The following PTCHD4 variants were observed in gnomAD, a reference collection of about 807,000 sequenced individuals.
PTCHD4 encodes the protein patched domain containing 4.
PTCHD4 carries 33 observed loss-of-function variants against 58.1 expected under a neutral mutation model. That is an observed-to-expected ratio of 0.57 (90% CI 0.43 to 0.76). The LOEUF (loss-of-function observed/expected upper bound fraction) is 0.76, where lower values mean the gene tolerates loss of function less well. PTCHD4 is among the 30% of genes least tolerant of loss of function. The pLI is 0.00. For missense variants in PTCHD4, 1,058 were observed against 1,027.1 expected (o/e 1.03, Z -0.41); for synonymous variants, 478 against 409.6 (o/e 1.17, Z -2.02).
In PTCHD4 at chr6:47,916,899, C is replaced by A. The variant is rs533135876; in HGVS notation, c.899-36963G>T. Among the ~76,000 whole-genome samples the A allele has an allele frequency of 5.0e-4, 76 of 152,224 alleles. 1 individual carries two copies. The South Asian group carries it at 7.3e-3, about 15-fold the overall frequency. ...AAATAAAACAACTTTGTATTTACAT[C>A]TTCCTGGGGTGGTACTCCTCAGTTA... On this transcript the variant is annotated intron_variant, in intron 4 of 4. Transcript: ENST00000339488.
intron 4 of PTCHD4, among the ~76,000 whole-genome samples, chr6:47,966,112 T>C (rs1561982014): frequency 1.3e-5 from 2 of 152,158 alleles, no homozygotes; most frequent in East Asian, 1.9e-4. Context: ...TAGAATTTAG[T>C]AGTGAGAAAT....
At position 47,993,268 on chromosome 6, in the gene PTCHD4, C is replaced by T. The variant is rs117677609; in HGVS notation, c.898+15366G>A. 1.7e-4 allele frequency among the ~76,000 whole-genome samples: 26 copies of T among 152,180 alleles called. 1 individual carries two copies. The East Asian group carries it at 4.4e-3, about 26-fold the overall frequency. ...GTAGAGAGCATAACCTCTTTTAATG[C>T]CAGCCTCCGATTTTACCAATGATGA... On this transcript the variant is annotated intron_variant, in intron 4 of 4. Coordinates refer to ENST00000339488, the MANE Select transcript of PTCHD4 (RefSeq NM_001384253.1).
rs1764894091 is a variant in PTCHD4 at position 48,068,682 on chromosome 6, C to T, written c.6-41G>A. ...TGACATGTGTAAGCGCCGGGCTACC[C>T]CGTTCTCCCCCATCCCACCCCCTGG... On this transcript the variant is annotated intron_variant, in intron 2 of 4. Coordinates refer to ENST00000339488, the MANE Select transcript of PTCHD4 (RefSeq NM_001384253.1). This position sits in a 1 kb window ranked among gnomAD's most constrained non-coding sequence, Gnocchi z 4.2. 1.3e-6 allele frequency: 2 copies of T among 1,501,090 alleles called. No individual in the cohort carries two copies. Among genetic ancestry groups the T allele is most frequent in the Non-Finnish European group, 1.8e-6 (2 of 1,128,240 alleles). The allele number at this position is 1,501,090 out of a possible 1,614,324, so 93.0% of individuals were successfully genotyped here.
chr6:48,102,914 C>A (rs972210324), intron 1 of PTCHD4, among the ~76,000 whole-genome samples: 1 of 152,172 alleles, frequency 6.6e-6, no homozygotes, highest in South Asian at 2.1e-4. Flanking sequence ...GGAGGGGTGC[C>A]CACCATTGCT....
In PTCHD4 at chr6:47,878,214, C is replaced by A; in HGVS notation, c.*89G>T. On this transcript the variant is annotated 3_prime_UTR_variant, in exon 5 of 5. Transcript: ENST00000339488. ...ATCTGACTTGCCTTGTTACCCCTGG[C>A]CAGCCCAAGCAGCTGAGGTCTGAGC... The A allele has an allele frequency of 8.0e-7, 1 of 1,247,732 alleles. No individual in the cohort carries two copies. Among genetic ancestry groups the A allele is most frequent in the Non-Finnish European group, 1.1e-6 (1 of 895,382 alleles). The allele number at this position is 1,247,732 out of a possible 1,614,324, so 77.3% of individuals were successfully genotyped here.
rs1581789150 is a variant in PTCHD4 at position 47,858,113 on chromosome 6, C to T, written c.*20190G>A. 1.3e-5 allele frequency among the ~76,000 whole-genome samples: 2 copies of T among 151,970 alleles called. No individual in the cohort carries two copies. The highest frequency in any genetic ancestry group is 6.6e-5 in the Admixed American group (1 of 15,234). ...GTTGTCCATGTACTTCCTTGTTGTA[C>T]ATTCCCTGGAAAGTGTTTGGTTAGA... is the stretch of plus-strand genomic sequence containing the variant. On this transcript the variant is annotated 3_prime_UTR_variant, in exon 5 of 5. Coordinates refer to ENST00000339488, the MANE Select transcript of PTCHD4 (RefSeq NM_001384253.1).
chr6:48,063,284 G>T (rs1266153773), intron 3 of PTCHD4, among the ~76,000 whole-genome samples: 2 of 152,150 alleles, frequency 1.3e-5, no homozygotes, highest in Non-Finnish European at 2.9e-5. Context: ...ACAGTAAGGG[G>T]ATAGTAAGAA....
At chr6:48,011,285 A>T (rs1169886547) in intron 3 of PTCHD4, among the ~76,000 whole-genome samples, 1 of 152,136 alleles carries the variant, frequency 6.6e-6, no homozygotes, top group Non-Finnish European at 1.5e-5. Flanking sequence ...CTGGCATGAG[A>T]TGGTATCTCA....
chr6:48,000,628 A>C (rs1360803915), intron 4 of PTCHD4, among the ~76,000 whole-genome samples: 1 of 152,158 alleles, frequency 6.6e-6, no homozygotes, highest in African/African-American at 2.4e-5. Context: ...GACTGGCTTC[A>C]TATTTGCTGA....
At chr6:47,918,673 GA>G (rs1024501062) in intron 4 of PTCHD4, among the ~76,000 whole-genome samples, 6 of 150,774 alleles carry the variant, frequency 4.0e-5, no homozygotes, top group South Asian at 2.1e-4. Flanking sequence ...ATTCTAAGTG[GA>G]AAAAAAAATC....
chr6:47,939,402 G>A (rs531753120), intron 4 of PTCHD4, among the ~76,000 whole-genome samples: 1 of 152,068 alleles, frequency 6.6e-6, no homozygotes, highest in South Asian at 2.1e-4. Context: ...AATTAAGAGA[G>A]GAATAATACG....
chr6:48,104,732 G>A (rs569539623), intron 1 of PTCHD4, among the ~76,000 whole-genome samples: 6 of 152,216 alleles, frequency 3.9e-5, no homozygotes, highest in South Asian at 4.1e-4. Flanking sequence ...ACACACATAG[G>A]CTAAAAATAA....
intron 4 of PTCHD4, among the ~76,000 whole-genome samples, chr6:47,895,141 G>GAA (rs11404768): frequency 8.7e-5 from 13 of 150,006 alleles, no homozygotes; most frequent in South Asian, 2.1e-4. Context: ...TCTCAAAAAA[G>GAA]AAAAAAAAAG....
chr6:48,074,881 T>C (rs906258940), intron 1 of PTCHD4, among the ~76,000 whole-genome samples: 3 of 152,230 alleles, frequency 2.0e-5, no homozygotes, highest in African/African-American at 7.2e-5. Context: ...AATTCATTTA[T>C]GTTAAAAAGC....
At chr6:47,957,840 G>C (rs111760352) in intron 4 of PTCHD4, among the ~76,000 whole-genome samples, 2 of 151,896 alleles carry the variant, frequency 1.3e-5, no homozygotes, top group East Asian at 1.9e-4. Flanking sequence ...ACCTTACCTC[G>C]TGATCTGCCC....
At chr6:48,071,118 A>G (rs554305931) in intron 1 of PTCHD4, among the ~76,000 whole-genome samples, 2 of 152,362 alleles carry the variant, frequency 1.3e-5, no homozygotes, top group South Asian at 4.1e-4. Context: ...CTTGCTTCTC[A>G]GCCCATTTCA....
intron 3 of PTCHD4, among the ~76,000 whole-genome samples, chr6:48,057,166 C>A (rs945725888): frequency 6.6e-6 from 1 of 150,424 alleles, no homozygotes; most frequent in African/African-American, 2.4e-5. Context: ...CCTCTTCTGG[C>A]GGCGGTTTTT....
chr6:48,052,726 T>C (rs918070099), intron 3 of PTCHD4, among the ~76,000 whole-genome samples: 2 of 152,068 alleles, frequency 1.3e-5, no homozygotes, highest in African/African-American at 4.8e-5. Flanking sequence ...ACAGAGTATT[T>C]AATATAAAGG....
intron 4 of PTCHD4, among the ~76,000 whole-genome samples, chr6:47,894,767 C>T (rs1764483736): frequency 6.6e-6 from 1 of 152,340 alleles, no homozygotes; most frequent in East Asian, 1.9e-4. Flanking sequence ...AAATTTTATT[C>T]TTTCTTTCCA....
Sources: allele counts gnomAD v4.1 joint callset (sites outside exome capture counted in the v4.1 genomes callset), GRCh38; gene constraint gnomAD v4.1.1; non-coding constraint Gnocchi (gnomAD v3.1); transcripts MANE v1.5; gene names NCBI Gene and HGNC (gene_info 2026-07-23, HGNC 2026-07-21).